FBLN2: variants seen among roughly 807,000 people sequenced by gnomAD.
FBLN2 encodes the protein fibulin-2.
Under a neutral mutation model 123.7 loss-of-function variants are expected in FBLN2, and 81 were observed. The ratio of observed to expected loss-of-function variants is 0.65; its 90% CI spans 0.55 to 0.79. The LOEUF (loss-of-function observed/expected upper bound fraction) is 0.79. Among genes scored for constraint, FBLN2 ranks in the 30% least tolerant of loss-of-function variants. The pLI is 0.00. For missense variants in FBLN2, 1,603 were observed against 1,681.3 expected (o/e 0.95, Z 0.81); for synonymous variants, 699 against 701.4 (o/e 1.00, Z 0.05).
chr3:13,576,914 A>C (rs1704165628), intron 2 of FBLN2, among the ~76,000 whole-genome samples: 1 of 152,216 alleles, frequency 6.6e-6, no homozygotes, highest in African/African-American at 2.4e-5. Context: ...CTGTAATGTC[A>C]GGTATTGCTA....
intron 2 of FBLN2, among the ~76,000 whole-genome samples, chr3:13,597,657 A>T (rs967448497): frequency 2.0e-5 from 3 of 152,152 alleles, no homozygotes; most frequent in African/African-American, 7.2e-5. Flanking sequence ...GGCACTTGGA[A>T]ACCACCTGGA....
At chr3:13,570,268 G>C in intron 1 of FBLN2, 47 bp from the exon 2 acceptor site, 1 of 1,440,484 alleles carries the variant, frequency 6.9e-7, no homozygotes, top group Non-Finnish European at 9.1e-7. Context: ...CACCGTGTCT[G>C]TGTGTGCACA....
At chr3:13,600,340 G>A (rs1033167478) in intron 2 of FBLN2, among the ~76,000 whole-genome samples, 1 of 152,054 alleles carries the variant, frequency 6.6e-6, no homozygotes, top group African/African-American at 2.4e-5. Context: ...CAGCATAAGG[G>A]TCACAGCTCC....
rs759678487 is a variant in FBLN2, at chr3:13,631,429, C to T, written c.3186C>T (p.Thr1062=). The change falls in exon 16 of 18, where the codon ACC becomes ACT. Residue 1062 remains threonine, a synonymous_variant. Coordinates refer to ENST00000404922, the MANE Select transcript of FBLN2 (RefSeq NM_001004019.2). Reference sequence around the variant, plus strand: ...GTGCATGCCCTGAGCAGGGCTACACCATGACGGCCAACGGGAGGTCCTGCA... The same window carrying T: ...GTGCATGCCCTGAGCAGGGCTACACTATGACGGCCAACGGGAGGTCCTGCA... ...YQCACPEQGY[T]MTANGRSCKD... The T allele has an allele frequency of 1.3e-6, 2 of 1,597,334 alleles. No individual in the cohort carries two copies. Among genetic ancestry groups the T allele is most frequent in the Non-Finnish European group, 1.7e-6 (2 of 1,172,122 alleles).
At chr3:13,623,195 C>A (rs550963803) in intron 9 of FBLN2, among the ~76,000 whole-genome samples, 2 of 152,240 alleles carry the variant, frequency 1.3e-5, no homozygotes, top group Non-Finnish European at 2.9e-5. Flanking sequence ...CCGGCCAGCT[C>A]TTCCTGTCTG....
chr3:13,617,183 C>CATCCATCCATCT, intron 5 of FBLN2, among the ~76,000 whole-genome samples: 1 of 149,622 alleles, frequency 6.7e-6, no homozygotes, highest in Non-Finnish European at 1.5e-5. Context: ...TCCATCTATC[C>CATCCATCCATCT]ATCCATCCAT....
chr3:13,626,298 C>T (rs1553622557), intron 9 of FBLN2, 147 bp from the exon 10 acceptor site: 7 of 747,328 alleles, frequency 9.4e-6, no homozygotes, highest in Non-Finnish European at 6.2e-6. Flanking sequence ...GTTTGGGTGC[C>T]GAGACATCAG....
Position 13,628,096 on chromosome 3 carries a change from G to T in FBLN2, c.2569+127G>T. 2.4e-6 allele frequency: 3 copies of T among 1,228,334 alleles called. No homozygotes were observed. The Admixed American group carries it at 7.4e-5, about 30-fold the overall frequency. 76.1% of individuals were successfully genotyped at this position (1,228,334 alleles called of 1,614,324 possible). On this transcript the variant is annotated intron_variant, in intron 11 of 17. Transcript: ENST00000404922. ...GCTCCATTCCTCTCCCAGCCCCCTTGTCCCTACCTGTGAATGGGCATGTCA... is the reference window on the plus strand; with the variant it reads ...GCTCCATTCCTCTCCCAGCCCCCTTTTCCCTACCTGTGAATGGGCATGTCA...
At chr3:13,624,538 C>G (rs1011689781) in intron 9 of FBLN2, among the ~76,000 whole-genome samples, 1 of 152,224 alleles carries the variant, frequency 6.6e-6, no homozygotes, top group Non-Finnish European at 1.5e-5. Context: ...GTCTGCCTGG[C>G]CTGGACACTG....
At chr3:13,583,800 G>C (rs1358224683) in intron 2 of FBLN2, among the ~76,000 whole-genome samples, 7 of 152,226 alleles carry the variant, frequency 4.6e-5, no homozygotes, top group Admixed American at 2.6e-4. Context: ...CAGAACCTGG[G>C]GGTGGAGGAG....
intron 6 of FBLN2, 45 bp from the exon 7 acceptor site, chr3:13,618,859 A>G (rs1705730796): frequency 2.0e-6 from 3 of 1,469,350 alleles, no homozygotes; most frequent in South Asian, 2.4e-5. Context: ...CTGGCTGAAG[A>G]CCTGAGACCT....
chr3:13,589,496 A>G (rs1165703551), intron 2 of FBLN2, among the ~76,000 whole-genome samples: 1 of 152,054 alleles, frequency 6.6e-6, no homozygotes, highest in African/African-American at 2.4e-5. Context: ...CCCAGTCCAC[A>G]CTAAGCAGCT....
chr3:13,551,384 G>C (rs1206968596), intron 1 of FBLN2, among the ~76,000 whole-genome samples: 1 of 152,226 alleles, frequency 6.6e-6, no homozygotes, highest in African/African-American at 2.4e-5. Flanking sequence ...GCTCATGCCA[G>C]AGAGCATTCT....
Position 13,619,734 on chromosome 3 carries a change from T to A in FBLN2, c.2058T>A (p.Asn686Lys). Residue 686 changes from asparagine (N) to lysine (K), a missense_variant, in exon 8 of 18, where the codon AAT (asparagine) becomes AAA (lysine). By Grantham distance (94) the Asn-to-Lys change is moderately conservative. Coordinates refer to ENST00000404922, the MANE Select transcript of FBLN2 (RefSeq NM_001004019.2). Reference protein sequence around the residue: ...PLPQPNTCKDNGPCKQVCSTV... With the variant: ...PLPQPNTCKDKGPCKQVCSTV... Reference sequence around the variant, plus strand: ...TTTCTGTGTGGTTTCCTCCAGACAATGGACCCTGCAAGCAGGTGTGCAGCA... The same window carrying A: ...TTTCTGTGTGGTTTCCTCCAGACAAAGGACCCTGCAAGCAGGTGTGCAGCA... 1 of 1,613,174 alleles carries A rather than the reference T, an allele frequency of 6.2e-7. No homozygotes were observed. The highest frequency in any genetic ancestry group is 8.5e-7 in the Non-Finnish European group (1 of 1,179,402).
chr3:13,582,014 C>T (rs1279360710), intron 2 of FBLN2, among the ~76,000 whole-genome samples: 1 of 152,146 alleles, frequency 6.6e-6, no homozygotes, highest in Non-Finnish European at 1.5e-5. Flanking sequence ...CTGTCCTGGG[C>T]CTCAAGATTT....
Position 13,637,752 on chromosome 3 carries a change from T to C in FBLN2, c.3529T>C (p.Phe1177Leu), listed in dbSNP as rs1223932104. Residue 1177 changes from phenylalanine to leucine, a missense_variant, in exon 18 of 18, where the codon TTT (phenylalanine) becomes CTT (leucine). Physicochemically the swap from Phe to Leu is conservative, Grantham distance 22 (BLOSUM62 0). Coordinates refer to ENST00000404922, the MANE Select transcript of FBLN2 (RefSeq NM_001004019.2). ...CATCAAGGGCAATGAGGAGGGCTAC[T>C]TTGGCACGCGCAGGCTCAATGCCTA... ...NIIKGNEEGY[F>L]GTRRLNAYTG... is the part of the protein sequence containing the mutation. The C allele has an allele frequency of 1.9e-6, 3 of 1,613,960 alleles. No individual in the cohort carries two copies. The highest frequency in any genetic ancestry group is 2.5e-6 in the Non-Finnish European group (3 of 1,179,832).
chr3:13,610,316 G>A (rs1705348998), intron 4 of FBLN2, among the ~76,000 whole-genome samples: 1 of 152,162 alleles, frequency 6.6e-6, no homozygotes, highest in Non-Finnish European at 1.5e-5. Context: ...TTTGACTGTG[G>A]GTGAGGTGGA....
At chr3:13,586,418 C>G (rs576582312) in intron 2 of FBLN2, among the ~76,000 whole-genome samples, 1 of 150,992 alleles carries the variant, frequency 6.6e-6, no homozygotes, top group Non-Finnish European at 1.5e-5. Flanking sequence ...CTCCTGACCT[C>G]GTGATCCGCC....
rs1201928794 is a variant in FBLN2 at position 13,582,000 on chromosome 3, T to C, written c.1306+10339T>C. 3.9e-5 allele frequency among the ~76,000 whole-genome samples: 6 copies of C among 152,210 alleles called. 1 individual carries two copies. The South Asian group carries it at 6.2e-4, about 16-fold the overall frequency. On this transcript the variant is annotated intron_variant, in intron 2 of 17. Coordinates refer to ENST00000404922, the MANE Select transcript of FBLN2 (RefSeq NM_001004019.2). ...AGCTGTGTGACCTCAGGCAAATTGCTTAACTGTCCTGGGCCTCAAGATTTC... is the reference window on the plus strand; with the variant it reads ...AGCTGTGTGACCTCAGGCAAATTGCCTAACTGTCCTGGGCCTCAAGATTTC...
Sources: gnomAD v4.1 joint callset for allele counts (sites outside exome capture counted in the v4.1 genomes callset) on GRCh38, gnomAD v4.1.1 for gene constraint, MANE v1.5 for transcripts, NCBI Gene and HGNC (gene_info 2026-07-23, HGNC 2026-07-21) for gene names.